The following ARMC8 variants were observed in gnomAD, a reference collection of about 807,000 sequenced individuals.
The protein encoded by ARMC8 is armadillo repeat-containing protein 8.
A neutral mutation model predicts 99.3 loss-of-function variants in ARMC8; 20 were observed. That is an observed-to-expected ratio of 0.20 (90% CI 0.14 to 0.29). The LOEUF (loss-of-function observed/expected upper bound fraction) is 0.29. Among genes scored for constraint, ARMC8 ranks in the 10% least tolerant of loss-of-function variants. The pLI is 1.00. For synonymous variants in ARMC8, 263 were observed against 278.3 expected, an observed-to-expected ratio of 0.95 and a Z score of 0.55; for missense variants, 569 against 809.5, an observed-to-expected ratio of 0.70 and a Z score of 3.60.
intron 18 of ARMC8, among the ~76,000 whole-genome samples, chr3:138,276,232 C>G (rs2108320650): frequency 6.6e-6 from 1 of 152,318 alleles, no homozygotes; most frequent in Admixed American, 6.5e-5. Flanking sequence ...AAGTTTAATG[C>G]TTCTCAAAAG....
At chr3:138,188,204 C>T (rs1032280381) in intron 1 of ARMC8, 48 of 361,018 alleles carry the variant, frequency 1.3e-4, no homozygotes, top group African/African-American at 9.4e-4. Flanking sequence ...AGCCCCTTTC[C>T]TCCGCTCTGC....
chr3:138,274,589 A>C, intron 18 of ARMC8, 45 bp downstream of exon 18: 1 of 1,429,880 alleles, frequency 7.0e-7, no homozygotes, highest in Non-Finnish European at 9.8e-7. Flanking sequence ...GAATGTGAGC[A>C]CAAAGGAAGT....
chr3:138,295,055 C>T (rs938565813), intron 21 of ARMC8, among the ~76,000 whole-genome samples: 4 of 152,026 alleles, frequency 2.6e-5, no homozygotes, highest in Non-Finnish European at 5.9e-5. Context: ...CCCGCTGCCA[C>T]ACTCGGCTAA....
intron 7 of ARMC8, among the ~76,000 whole-genome samples, chr3:138,235,922 C>G (rs2046310338): frequency 6.6e-6 from 1 of 150,908 alleles, no homozygotes; most frequent in African/African-American, 2.4e-5. Flanking sequence ...TCTCGTGCCT[C>G]AGCCTCCCGA....
In ARMC8 at chr3:138,187,416, G is replaced by A; in HGVS notation, c.-139G>A. 1.3e-6 allele frequency: 1 copy of A among 782,052 alleles called. No homozygotes were observed. The highest frequency in any genetic ancestry group is 2.7e-5 in the East Asian group (1 of 36,372). 48.4% of individuals were successfully genotyped at this position (782,052 alleles called of 1,614,324 possible). On this transcript the variant is annotated 5_prime_UTR_variant, in exon 1 of 22. Transcript: ENST00000469044. ...CTTTCTGCGGGCCTTTCCGGTACTTGAGCGGTGTCCAGAGCGTGGCCAGTT... is the reference window on the plus strand; with the variant it reads ...CTTTCTGCGGGCCTTTCCGGTACTTAAGCGGTGTCCAGAGCGTGGCCAGTT...
intron 12 of ARMC8, among the ~76,000 whole-genome samples, chr3:138,258,048 A>C (rs2047493614): frequency 1.3e-5 from 2 of 152,170 alleles, no homozygotes; most frequent in African/African-American, 2.4e-5. Flanking sequence ...CTTTCTCTGG[A>C]AACTTTCACA....
chr3:138,208,744 C>T (rs2044530864), intron 1 of ARMC8, among the ~76,000 whole-genome samples: 1 of 151,906 alleles, frequency 6.6e-6, no homozygotes, highest in African/African-American at 2.4e-5. Context: ...TTCTCTGGTT[C>T]TTAAATATGG....
chr3:138,272,649 A>G (rs985726490), intron 16 of ARMC8, among the ~76,000 whole-genome samples: 2 of 152,190 alleles, frequency 1.3e-5, no homozygotes, highest in Admixed American at 6.5e-5. Flanking sequence ...GGCCAAAGCA[A>G]GTGGATCACG....
intron 16 of ARMC8, 56 bp from the exon 17 acceptor site, chr3:138,272,911 A>G (rs1033482435): frequency 1.5e-6 from 2 of 1,322,872 alleles, no homozygotes; most frequent in African/African-American, 1.5e-5. Flanking sequence ...CTATTAAAAT[A>G]TAATTTAATA....
rs140016100 is a variant in ARMC8 at position 138,274,397 on chromosome 3, G to A, written c.1630-52G>A. 302 of 1,226,682 alleles carry A rather than the reference G, an allele frequency of 2.5e-4. 1 individual carries two copies. In the African/African-American group the frequency reaches 2.7e-3, roughly 11 times the overall value. The allele number at this position is 1,226,682 out of a possible 1,614,324, so 76.0% of individuals were successfully genotyped here. The stretch of plus-strand genomic sequence containing the variant: ...TTTAACTTTTAGAAGCCTTGTATTC[G>A]TCCTGTGGTCTTTGTTTCTTTGATA... On this transcript the variant is annotated intron_variant, in intron 17 of 21. Coordinates refer to ENST00000469044, the MANE Select transcript of ARMC8 (RefSeq NM_001363941.2).
At chr3:138,243,564 A>G (rs1287009469) in intron 11 of ARMC8, among the ~76,000 whole-genome samples, 15 of 152,186 alleles carry the variant, frequency 9.9e-5, no homozygotes, top group Non-Finnish European at 5.9e-5. Context: ...AGTTCTTCCT[A>G]TAATCCATCA....
chr3:138,196,360 T>C (rs1254331687), intron 1 of ARMC8, among the ~76,000 whole-genome samples: 1 of 152,120 alleles, frequency 6.6e-6, no homozygotes, highest in Non-Finnish European at 1.5e-5. Flanking sequence ...AAAGGTTGAG[T>C]ACCTAAATCT....
intron 12 of ARMC8, among the ~76,000 whole-genome samples, chr3:138,256,310 C>G (rs1559998191): frequency 6.6e-6 from 1 of 151,332 alleles, no homozygotes; most frequent in Non-Finnish European, 1.5e-5. Flanking sequence ...CCTCTCTGAG[C>G]TTTGCCATTT....
At chr3:138,240,223 A>G (rs1184956774) in intron 10 of ARMC8, among the ~76,000 whole-genome samples, 2 of 152,210 alleles carry the variant, frequency 1.3e-5, no homozygotes, top group East Asian at 3.8e-4. Flanking sequence ...CTTATTAGCT[A>G]TAAAAAATTA....
intron 13 of ARMC8, 23 bp downstream of exon 13, chr3:138,263,844 A>G (rs769516234): frequency 1.9e-6 from 3 of 1,604,996 alleles, no homozygotes; most frequent in Admixed American, 3.3e-5. Context: ...AATGGTCTGA[A>G]TAAAAACCTT....
chr3:138,191,052 C>G (rs79989742), intron 1 of ARMC8, among the ~76,000 whole-genome samples: 1,828 of 152,286 alleles, frequency 0.012, 43 homozygotes, highest in African/African-American at 0.042. Context: ...GAAAAAGTGA[C>G]AGAAGAAGAG....
chr3:138,259,744 T>C (rs906412535), intron 12 of ARMC8, among the ~76,000 whole-genome samples: 9 of 152,224 alleles, frequency 5.9e-5, no homozygotes, highest in Non-Finnish European at 1.3e-4. Flanking sequence ...AGCCACCTTA[T>C]AGCTATACTC....
chr3:138,245,067 A>T (rs765347350), intron 11 of ARMC8, 21 bp from the exon 12 acceptor site: 11 of 1,613,000 alleles, frequency 6.8e-6, no homozygotes, highest in Non-Finnish European at 9.3e-6. Context: ...GAGTTGGAAC[A>T]TATCCTTTTT....
At chr3:138,216,026 A>G (rs1576639899) in intron 2 of ARMC8, among the ~76,000 whole-genome samples, 1 of 149,316 alleles carries the variant, frequency 6.7e-6, no homozygotes, top group African/African-American at 2.5e-5. Context: ...CAGCTACTGC[A>G]TGCCACCATG....
Sources: allele counts gnomAD v4.1 joint callset (sites outside exome capture counted in the v4.1 genomes callset), GRCh38; gene constraint gnomAD v4.1.1; transcripts MANE v1.5; gene names NCBI Gene and HGNC (gene_info 2026-07-23, HGNC 2026-07-21).